Variants in CD2AP observed in about 807,000 individuals in gnomAD.
The protein encoded by CD2AP is CD2 associated protein.
Under a neutral mutation model 85.1 loss-of-function variants are expected in CD2AP, and 46 were observed. That is an observed-to-expected ratio of 0.54 (90% CI 0.43 to 0.69). The LOEUF is 0.69. Ranked by LOEUF, CD2AP falls within the 30% of genes least tolerant of loss-of-function variation. The pLI, the probability that CD2AP is intolerant of heterozygous loss-of-function variation, is 0.00. For synonymous variants in CD2AP, 255 were observed against 252.9 expected (o/e 1.01, Z -0.08); for missense variants, 769 against 729.5 (o/e 1.05, Z -0.62).
At chr6:47,567,028 G>T (rs1325271395) in intron 5 of CD2AP, among the ~76,000 whole-genome samples, 2 of 151,714 alleles carry the variant, frequency 1.3e-5, no homozygotes, top group African/African-American at 4.8e-5. Context: ...AAACTCCTGA[G>T]ATTATTTAAC....
intron 10 of CD2AP, among the ~76,000 whole-genome samples, chr6:47,581,161 T>C (rs1768467807): frequency 6.6e-6 from 1 of 152,218 alleles, no homozygotes; most frequent in Admixed American, 6.5e-5. Context: ...AAATTTAAAC[T>C]GTTTTAGAAA....
intron 4 of CD2AP, among the ~76,000 whole-genome samples, chr6:47,553,659 C>A (rs1476508677): frequency 6.6e-6 from 1 of 151,776 alleles, no homozygotes. Flanking sequence ...AGCCAGTGAA[C>A]CTGGCCTAAA....
intron 1 of CD2AP, among the ~76,000 whole-genome samples, chr6:47,482,629 C>T (rs1487615580): frequency 1.3e-5 from 2 of 152,126 alleles, no homozygotes; most frequent in East Asian, 3.9e-4. Flanking sequence ...CTGCCCCCCT[C>T]AGCCTTCCAA....
intron 17 of CD2AP, among the ~76,000 whole-genome samples, chr6:47,614,560 G>T (rs1283153785): frequency 6.6e-6 from 1 of 151,988 alleles, no homozygotes; most frequent in Non-Finnish European, 1.5e-5. Flanking sequence ...AAAGATCACT[G>T]GTCACAAATC....
chr6:47,584,127 T>C (rs957241314), intron 11 of CD2AP, among the ~76,000 whole-genome samples: 7 of 152,240 alleles, frequency 4.6e-5, no homozygotes, highest in African/African-American at 1.7e-4. Context: ...TCTTTCTTTG[T>C]ATATTTTGTA....
intron 12 of CD2AP, 129 bp downstream of exon 12, chr6:47,596,155 C>A: frequency 1.4e-6 from 1 of 712,554 alleles, no homozygotes; most frequent in Non-Finnish European, 2.4e-6. Flanking sequence ...TTAAAATTGA[C>A]ATATACAATT....
Position 47,593,270 on chromosome 6 carries a change from A to G in CD2AP, c.1109-2591A>G, listed in dbSNP as rs925852290. ...TGTACTTTATCAAAATTAAAAACTT[A>G]TATGCATTAAAGGACATTAAGAAAG... On this transcript the variant is annotated intron_variant, in intron 11 of 17. Coordinates refer to ENST00000359314, the MANE Select transcript of CD2AP (RefSeq NM_012120.3). Among the ~76,000 whole-genome samples, 8 of 152,272 alleles carry G rather than the reference A, an allele frequency of 5.3e-5. No homozygotes were observed. In the South Asian group the frequency reaches 1.7e-3, roughly 32 times the overall value.
intron 17 of CD2AP, among the ~76,000 whole-genome samples, chr6:47,618,378 A>G (rs1035359431): frequency 1.3e-5 from 2 of 152,130 alleles, no homozygotes; most frequent in African/African-American, 4.8e-5. Flanking sequence ...AGATGTATAT[A>G]TAATAACTTC....
chr6:47,523,147 A>G (rs1439611149), intron 2 of CD2AP, among the ~76,000 whole-genome samples: 1 of 152,076 alleles, frequency 6.6e-6, no homozygotes, highest in Non-Finnish European at 1.5e-5. Flanking sequence ...ATTTATAGAA[A>G]TGTATTGACG....
chr6:47,553,513 A>ATTTTTTTTTTTTTTTTTTTTTTTTTTTT (rs148273065), intron 4 of CD2AP, among the ~76,000 whole-genome samples: 1 of 110,516 alleles, frequency 9.0e-6, no homozygotes, highest in Non-Finnish European at 1.8e-5. Context: ...CACCTAGTGA[A>ATTTTTTTTTTTTTTTTTTTTTTTTTTTT]TTTTTTTTTT....
At chr6:47,561,899 A>C (rs866494813) in intron 5 of CD2AP, among the ~76,000 whole-genome samples, 1 of 151,022 alleles carries the variant, frequency 6.6e-6, no homozygotes, top group Non-Finnish European at 1.5e-5. Context: ...TCCTGCGTCA[A>C]CCTCCCAAGT....
chr6:47,492,347 C>CT (rs70999626), intron 1 of CD2AP, among the ~76,000 whole-genome samples: 78,430 of 95,594 alleles, frequency 0.82, 32,815 homozygotes, highest in Non-Finnish European at 0.88. Context: ...CACCTGTAAT[C>CT]TTTTTTTTTT....
chr6:47,594,210 A>T (rs1768875448), intron 11 of CD2AP, among the ~76,000 whole-genome samples: 1 of 152,102 alleles, frequency 6.6e-6, no homozygotes, highest in Non-Finnish European at 1.5e-5. Flanking sequence ...GTTGCGTAAC[A>T]TCGTGAATGT....
chr6:47,605,642 G>A (rs556934874), intron 13 of CD2AP, among the ~76,000 whole-genome samples: 1 of 151,994 alleles, frequency 6.6e-6, no homozygotes, highest in East Asian at 1.9e-4. Flanking sequence ...ACACATAAAG[G>A]TACATTAAAT....
chr6:47,602,745 T>A (rs1582613909), intron 13 of CD2AP, among the ~76,000 whole-genome samples: 1 of 149,244 alleles, frequency 6.7e-6, no homozygotes, highest in Admixed American at 6.7e-5. Context: ...AAAAAAAAGC[T>A]GGGCATGATG....
intron 17 of CD2AP, among the ~76,000 whole-genome samples, chr6:47,613,796 C>T (rs926781071): frequency 1.3e-5 from 2 of 152,190 alleles, no homozygotes; most frequent in Non-Finnish European, 2.9e-5. Flanking sequence ...TAGATGATAT[C>T]TTCTTTCAAT....
At chr6:47,546,415 T>TA (rs527835727) in intron 4 of CD2AP, among the ~76,000 whole-genome samples, 8 of 149,700 alleles carry the variant, frequency 5.3e-5, no homozygotes, top group African/African-American at 7.3e-5. Context: ...TCTAAAAGTT[T>TA]AAAAAAAAAA....
chr6:47,518,956 C>T lies in CD2AP; in HGVS notation c.166-14646C>T, dbSNP rs144621044. 9.9e-5 allele frequency among the ~76,000 whole-genome samples: 15 copies of T among 152,248 alleles called. No homozygotes were observed. The East Asian group carries it at 2.7e-3, about 27-fold the overall frequency. The stretch of plus-strand genomic sequence containing the variant: ...CTGTGGCATATCCCTCCCTACACTC[C>T]GCCTCTTGGTGTTCCAATTCAGTTG... On this transcript the variant is annotated intron_variant, in intron 2 of 17. Coordinates refer to ENST00000359314, the MANE Select transcript of CD2AP (RefSeq NM_012120.3).
intron 3 of CD2AP, among the ~76,000 whole-genome samples, chr6:47,540,174 CAAAAAAAAAAAA>C (rs373888400): frequency 5.4e-5 from 3 of 55,654 alleles, no homozygotes; most frequent in Non-Finnish European, 1.1e-4. Flanking sequence ...GGCCCTGTCT[CAAAAAAAAAAAA>C]AAAAAAAGAA....
Sources: allele counts gnomAD v4.1 joint callset (sites outside exome capture counted in the v4.1 genomes callset), GRCh38; gene constraint gnomAD v4.1.1; transcripts MANE v1.5; gene names NCBI Gene and HGNC (gene_info 2026-07-23, HGNC 2026-07-21).